DLGAP2: variants seen among roughly 807,000 people sequenced by gnomAD.
The protein encoded by DLGAP2 is disks large-associated protein 2.
A neutral mutation model predicts 100.3 loss-of-function variants in DLGAP2; 26 were observed. The observed-to-expected ratio is 0.26, with a 90% CI of 0.19 to 0.36. DLGAP2 has a LOEUF of 0.36. Among genes scored for constraint, DLGAP2 ranks in the 10% least tolerant of loss-of-function variants. The pLI is 1.00. For missense variants in DLGAP2, 1,858 were observed against 1,453.2 expected, an observed-to-expected ratio of 1.28 and a Z score of -4.53; for synonymous variants, 886 against 630.1, an observed-to-expected ratio of 1.41 and a Z score of -6.08.
chr8:1,323,366 C>T (rs1469330133), intron 3 of DLGAP2, among the ~76,000 whole-genome samples: 4 of 152,158 alleles, frequency 2.6e-5, no homozygotes, highest in Non-Finnish European at 4.4e-5. Context: ...TAAACAACCA[C>T]GATGCACATC....
At chr8:1,493,703 A>G (rs1169018483) in intron 3 of DLGAP2, among the ~76,000 whole-genome samples, 1 of 152,216 alleles carries the variant, frequency 6.6e-6, no homozygotes, top group Non-Finnish European at 1.5e-5. Flanking sequence ...CTTTTCAGAA[A>G]TGGAAGGGAA....
At chr8:1,594,069 A>G (rs932855021) in intron 6 of DLGAP2, among the ~76,000 whole-genome samples, 4 of 152,114 alleles carry the variant, frequency 2.6e-5, no homozygotes, top group Admixed American at 6.5e-5. Context: ...ACAGGCGAAA[A>G]CCACAGCTAC....
At chr8:1,368,190 G>T (rs947145964) in intron 3 of DLGAP2, among the ~76,000 whole-genome samples, 1 of 151,978 alleles carries the variant, frequency 6.6e-6, no homozygotes, top group Non-Finnish European at 1.5e-5. Context: ...GTATGTGCAC[G>T]TGTGTGTACG....
At chr8:956,122 T>C (rs575001844) in intron 2 of DLGAP2, among the ~76,000 whole-genome samples, 1 of 152,334 alleles carries the variant, frequency 6.6e-6, no homozygotes, top group African/African-American at 2.4e-5. Flanking sequence ...AAGCACATTG[T>C]ATAAAGCAAG....
chr8:1,236,168 C>G (rs1198942096), intron 2 of DLGAP2, among the ~76,000 whole-genome samples: 2 of 98,642 alleles, frequency 2.0e-5, no homozygotes, highest in Admixed American at 1.2e-4. Context: ...AGCGTCTTGT[C>G]TAGTTCTCTC....
chr8:1,555,667 G>A (rs1379572233), intron 5 of DLGAP2, among the ~76,000 whole-genome samples: 1 of 152,230 alleles, frequency 6.6e-6, no homozygotes, highest in Non-Finnish European at 1.5e-5. Context: ...CCCCCCAGTT[G>A]TCCTGGGACT....
rs549709704 is a variant in DLGAP2 at position 875,537 on chromosome 8, G to A, written c.19-32375G>A. On this transcript the variant is annotated intron_variant, in intron 1 of 14. Coordinates refer to ENST00000637795, the MANE Select transcript of DLGAP2 (RefSeq NM_001346810.2). ...TTTCTGCTGCCATGTGAAGAAGGAT[G>A]TGTTTGCTTCCCCTTCCACCATGAT... Among the ~76,000 whole-genome samples, 8 of 152,306 alleles carry A rather than the reference G, an allele frequency of 5.3e-5. No homozygotes were observed. The South Asian group carries it at 1.7e-3, about 32-fold the overall frequency.
In DLGAP2 at chr8:743,892, G is replaced by A. The variant is rs552191676; in HGVS notation, c.18+6067G>A. Among the ~76,000 whole-genome samples the A allele has an allele frequency of 5.9e-5, 9 of 152,348 alleles. No individual in the cohort carries two copies. The South Asian group carries it at 1.4e-3, about 25-fold the overall frequency. ...TTGCTGGTATTTGCATGTGATTTCC[G>A]TGGCCGGGTCTTCATGTCTGGATCA... On this transcript the variant is annotated intron_variant, in intron 1 of 14. Transcript: ENST00000637795.
At chr8:1,039,285 T>G (rs1210311234) in intron 2 of DLGAP2, among the ~76,000 whole-genome samples, 1 of 149,594 alleles carries the variant, frequency 6.7e-6, no homozygotes, top group Non-Finnish European at 1.5e-5. Context: ...TCGGTTTCCA[T>G]GGTCGGCTCG....
intron 2 of DLGAP2, among the ~76,000 whole-genome samples, chr8:996,535 A>G (rs1192179144): frequency 6.6e-6 from 1 of 152,206 alleles, no homozygotes; most frequent in African/African-American, 2.4e-5. Context: ...GGCTACATTA[A>G]TGAAAGTCCT....
chr8:1,377,739 T>C (rs1795992281), intron 3 of DLGAP2: 3 of 151,412 alleles, frequency 2.0e-5, no homozygotes, highest in African/African-American at 7.3e-5. Context: ...CCATATAATA[T>C]TGTCAGCTCT....
intron 3 of DLGAP2, among the ~76,000 whole-genome samples, chr8:1,454,904 C>G (rs765067405): frequency 7.2e-5 from 11 of 152,168 alleles, no homozygotes; most frequent in Non-Finnish European, 1.5e-4. Flanking sequence ...ACAGGATGAC[C>G]TGATGGCCAG....
At chr8:1,424,632 A>T (rs1797189120) in intron 3 of DLGAP2, among the ~76,000 whole-genome samples, 1 of 152,210 alleles carries the variant, frequency 6.6e-6, no homozygotes, top group African/African-American at 2.4e-5. Context: ...ATGCACAGAC[A>T]GAAGGCCGGA....
chr8:1,072,383 C>T (rs1803461203), intron 2 of DLGAP2, among the ~76,000 whole-genome samples: 1 of 152,144 alleles, frequency 6.6e-6, no homozygotes, highest in Non-Finnish European at 1.5e-5. Context: ...TGTGGTCATC[C>T]AATGAAAATT....
chr8:1,572,531 A>G (rs1304754358), intron 6 of DLGAP2, among the ~76,000 whole-genome samples: 61 of 90,378 alleles, frequency 6.7e-4, no homozygotes, highest in African/African-American at 9.8e-4. Flanking sequence ...AGAGAGGGTG[A>G]ACTGTGGGGG....
chr8:778,509 T>A (rs9650537), intron 1 of DLGAP2, among the ~76,000 whole-genome samples: 32,434 of 152,200 alleles, frequency 0.21, 4,081 homozygotes, highest in Non-Finnish European at 0.29. Flanking sequence ...GATGGTGATA[T>A]ACAGATGGGT....
chr8:1,213,288 G>A (rs1798144241), intron 2 of DLGAP2, among the ~76,000 whole-genome samples: 1 of 152,164 alleles, frequency 6.6e-6, no homozygotes, highest in South Asian at 2.1e-4. Flanking sequence ...AAGAAACTGA[G>A]GAGGCCCACA....
chr8:1,382,319 G>A (rs988559734), intron 3 of DLGAP2, among the ~76,000 whole-genome samples: 6 of 152,250 alleles, frequency 3.9e-5, no homozygotes, highest in African/African-American at 1.4e-4. Context: ...CTCAGGAGGA[G>A]AAGAGGGGTT....
chr8:1,165,143 A>G (rs538808807), intron 2 of DLGAP2, among the ~76,000 whole-genome samples: 2 of 136,306 alleles, frequency 1.5e-5, no homozygotes, highest in African/African-American at 5.3e-5. Flanking sequence ...AGAGGAAGAC[A>G]GAGAGGGGGA....
Sources: gnomAD v4.1 joint callset for allele counts (sites outside exome capture counted in the v4.1 genomes callset) on GRCh38, gnomAD v4.1.1 for gene constraint, MANE v1.5 for transcripts, NCBI Gene and HGNC (gene_info 2026-07-23, HGNC 2026-07-21) for gene names.